Variants in MALRD1 observed in about 807,000 individuals in gnomAD.
The protein encoded by MALRD1 is MAM and LDL-receptor class A domain-containing protein 1.
A neutral mutation model predicts 242.1 loss-of-function variants in MALRD1; 247 were observed. The ratio of observed to expected loss-of-function variants is 1.02; its 90% CI spans 0.92 to 1.13. The LOEUF (loss-of-function observed/expected upper bound fraction) is 1.13. Among genes scored for constraint, MALRD1 ranks in the 50% most tolerant of loss-of-function variants. MALRD1 has a pLI of 0.00. For synonymous variants in MALRD1, 995 were observed against 866.6 expected (o/e 1.15, Z -2.60); for missense variants, 2,989 against 2,533.1 (o/e 1.18, Z -3.86).
intron 38 of MALRD1, among the ~76,000 whole-genome samples, chr10:19,708,319 CTTCTTT>C (rs199893417): frequency 0.012 from 1,362 of 110,674 alleles, 159 homozygotes; most frequent in East Asian, 0.049. Flanking sequence ...TTTTTTTAAC[CTTCTTT>C]TTCTTTTTCT....
At chr10:19,270,807 A>AAC (rs71387059) in intron 19 of MALRD1, among the ~76,000 whole-genome samples, 24,551 of 144,974 alleles carry the variant, frequency 0.17, 2,131 homozygotes, top group Non-Finnish European at 0.21. Context: ...TTCAAAGGAT[A>AAC]ACACACACAC....
intron 19 of MALRD1, among the ~76,000 whole-genome samples, chr10:19,265,947 G>T (rs1409866658): frequency 6.6e-6 from 1 of 151,476 alleles, no homozygotes; most frequent in Non-Finnish European, 1.5e-5. Context: ...TTGATTAATT[G>T]CTATATATTT....
chr10:19,712,319 G>C (rs1431037969), intron 38 of MALRD1, among the ~76,000 whole-genome samples: 1 of 151,986 alleles, frequency 6.6e-6, no homozygotes, highest in Admixed American at 6.6e-5. Flanking sequence ...TTTTTAAATA[G>C]GTTATTTTAA....
At chr10:19,533,046 A>G (rs536507481) in intron 32 of MALRD1, among the ~76,000 whole-genome samples, 42 of 152,278 alleles carry the variant, frequency 2.8e-4, no homozygotes, top group Non-Finnish European at 1.5e-5. Flanking sequence ...TCATCAAAGC[A>G]AGCATCAGTG....
chr10:19,639,307 GTCT>G (rs1164696063), intron 36 of MALRD1, among the ~76,000 whole-genome samples: 1 of 152,162 alleles, frequency 6.6e-6, no homozygotes, highest in Admixed American at 6.5e-5. Flanking sequence ...CCAGGATATA[GTCT>G]TCTCTAAGGG....
intron 19 of MALRD1, among the ~76,000 whole-genome samples, chr10:19,274,839 G>T (rs1840429257): frequency 6.6e-6 from 1 of 151,124 alleles, no homozygotes; most frequent in Non-Finnish European, 1.5e-5. Flanking sequence ...GGAAGGAAGG[G>T]GAACAAGTGT....
chr10:19,591,974 G>T (rs1198474280), intron 33 of MALRD1, among the ~76,000 whole-genome samples: 2 of 152,186 alleles, frequency 1.3e-5, no homozygotes, highest in African/African-American at 4.8e-5. Context: ...AGAGATAAAA[G>T]AAATACGGAG....
intron 30 of MALRD1, among the ~76,000 whole-genome samples, chr10:19,497,831 A>T (rs752602288): frequency 1.1e-4 from 17 of 152,242 alleles, no homozygotes; most frequent in Non-Finnish European, 2.2e-4. Context: ...GAAAGCCTAG[A>T]TCAGGGTATC....
chr10:19,521,327 C>A (rs1005235141), intron 31 of MALRD1, among the ~76,000 whole-genome samples: 20 of 152,034 alleles, frequency 1.3e-4, no homozygotes, highest in African/African-American at 4.8e-4. Flanking sequence ...TGTCCTTAAA[C>A]TGTCACTCTG....
At chr10:19,101,412 ATATAT>A (rs1337871016) in intron 4 of MALRD1, among the ~76,000 whole-genome samples, 3 of 141,760 alleles carry the variant, frequency 2.1e-5, no homozygotes, top group Non-Finnish European at 4.5e-5. Context: ...TTCATATATT[ATATAT>A]TATAATAATA....
rs1423583495 is a variant in MALRD1, at chr10:19,440,330, T to C, written c.4846-9977T>C. The stretch of plus-strand genomic sequence containing the variant: ...TTGTTCTTATGAGGGTTTTTATCTA[T>C]AGCTTAAAACCCATTCTTTTTTTTT... On this transcript the variant is annotated intron_variant, in intron 28 of 39. Coordinates refer to ENST00000454679, the MANE Select transcript of MALRD1 (RefSeq NM_001142308.3). Among the ~76,000 whole-genome samples, 3 of 152,270 alleles carry C rather than the reference T, an allele frequency of 2.0e-5. No individual in the cohort carries two copies. The East Asian group carries it at 5.8e-4, about 29-fold the overall frequency.
chr10:19,205,732 T>A (rs1294734456), intron 17 of MALRD1, among the ~76,000 whole-genome samples: 1 of 151,838 alleles, frequency 6.6e-6, no homozygotes, highest in African/African-American at 2.4e-5. Context: ...AAATAGCCAG[T>A]GTGGCTGGAG....
At chr10:19,539,852 TTGTGCGTGTGTGTGTGTG>T (rs1194295395) in intron 32 of MALRD1, among the ~76,000 whole-genome samples, 1 of 64,330 alleles carries the variant, frequency 1.6e-5, no homozygotes, top group East Asian at 6.3e-4. Flanking sequence ...ACACCCAGCT[TTGTGCGTGTGTGTGTGTG>T]TGTGTGTGTG....
chr10:19,641,853 C>T (rs1245599078), intron 36 of MALRD1, among the ~76,000 whole-genome samples: 1 of 151,990 alleles, frequency 6.6e-6, no homozygotes, highest in African/African-American at 2.4e-5. Context: ...AAATTTAATG[C>T]CCATGTATGT....
intron 28 of MALRD1, among the ~76,000 whole-genome samples, chr10:19,393,481 T>C (rs1339582834): frequency 7.0e-6 from 1 of 142,450 alleles, no homozygotes; most frequent in African/African-American, 2.6e-5. Context: ...AGTCTCGCTC[T>C]GTCACCCAGG....
intron 28 of MALRD1, among the ~76,000 whole-genome samples, chr10:19,425,567 A>T (rs533659501): frequency 6.6e-6 from 1 of 151,984 alleles, no homozygotes; most frequent in South Asian, 2.1e-4. Flanking sequence ...TACAGGGAGG[A>T]TGTAACTGTT....
At chr10:19,175,349 G>T in intron 14 of MALRD1, 21 bp downstream of exon 14, 1 of 1,226,576 alleles carries the variant, frequency 8.2e-7, no homozygotes, top group Non-Finnish European at 1.0e-6. Context: ...CCTTGTCGTT[G>T]TTGCTGTTTT....
intron 28 of MALRD1, among the ~76,000 whole-genome samples, chr10:19,439,402 A>T (rs888137964): frequency 1.3e-5 from 2 of 151,986 alleles, no homozygotes; most frequent in Non-Finnish European, 2.9e-5. Context: ...CACTGATTGT[A>T]GTGGCGCATC....
chr10:19,718,694 A>T (rs919301354), intron 38 of MALRD1, among the ~76,000 whole-genome samples: 4 of 152,194 alleles, frequency 2.6e-5, no homozygotes, highest in African/African-American at 9.6e-5. Context: ...AAGGTTGAAT[A>T]ATGCTGTGTC....
Sources: gnomAD v4.1 joint callset for allele counts (sites outside exome capture counted in the v4.1 genomes callset) on GRCh38, gnomAD v4.1.1 for gene constraint, MANE v1.5 for transcripts, NCBI Gene and HGNC (gene_info 2026-07-23, HGNC 2026-07-21) for gene names.